The following LRRC4C variants were observed in gnomAD, a reference collection of about 807,000 sequenced individuals.
The protein encoded by LRRC4C is leucine rich repeat containing 4C.
In LRRC4C, 5 loss-of-function variants were observed where a neutral mutation model predicts 33.6. The ratio of observed to expected loss-of-function variants is 0.15; its 90% CI spans 0.08 to 0.31. LRRC4C has a LOEUF of 0.31. Ranked by LOEUF, LRRC4C falls within the 10% of genes least tolerant of loss-of-function variation. The pLI, the probability that LRRC4C is intolerant of heterozygous loss-of-function variation, is 1.00. For synonymous variants in LRRC4C, 329 were observed against 302.0 expected, an observed-to-expected ratio of 1.09 and a Z score of -0.93; for missense variants, 560 against 796.7, an observed-to-expected ratio of 0.70 and a Z score of 3.58.
intron 2 of LRRC4C, among the ~76,000 whole-genome samples, chr11:40,836,083 G>A (rs1321202884): frequency 6.6e-6 from 1 of 152,168 alleles, no homozygotes; most frequent in African/African-American, 2.4e-5. Flanking sequence ...GGAAACATTA[G>A]TTATCACGAA....
At chr11:40,525,471 G>T (rs536716173) in intron 3 of LRRC4C, among the ~76,000 whole-genome samples, 7 of 151,906 alleles carry the variant, frequency 4.6e-5, no homozygotes, top group Admixed American at 2.0e-4. Flanking sequence ...GGCAGGGGGT[G>T]GCTGGAGGGC....
intron 2 of LRRC4C, among the ~76,000 whole-genome samples, chr11:40,733,176 C>T (rs990868470): frequency 1.4e-5 from 2 of 140,198 alleles, no homozygotes; most frequent in Non-Finnish European, 3.0e-5. Context: ...CCCGGGTTCA[C>T]GCTATTCTCC....
At chr11:41,061,909 G>A (rs941460130) in intron 1 of LRRC4C, among the ~76,000 whole-genome samples, 9 of 151,868 alleles carry the variant, frequency 5.9e-5, no homozygotes, top group Non-Finnish European at 4.4e-5. Context: ...GGTCTAACAC[G>A]GTGGGCAGCA....
At chr11:40,915,210 G>A (rs1403207640) in intron 2 of LRRC4C, among the ~76,000 whole-genome samples, 1 of 151,986 alleles carries the variant, frequency 6.6e-6, no homozygotes, top group Non-Finnish European at 1.5e-5. Flanking sequence ...AAGTTCATAT[G>A]GAACCAAAAA....
At chr11:41,416,969 T>C (rs1246597421) in intron 1 of LRRC4C, among the ~76,000 whole-genome samples, 2 of 151,796 alleles carry the variant, frequency 1.3e-5, no homozygotes, top group Admixed American at 6.6e-5. Context: ...CCAATGAAAA[T>C]AAAGGATTCC....
At chr11:40,558,485 GAAA>G (rs1038123391) in intron 3 of LRRC4C, among the ~76,000 whole-genome samples, 3 of 152,074 alleles carry the variant, frequency 2.0e-5, no homozygotes, top group Non-Finnish European at 4.4e-5. Flanking sequence ...AATCCCAGAA[GAAA>G]AATGTTTTAT....
rs1257921879 is a variant in LRRC4C at position 40,114,780 on chromosome 11, A to C, written c.1513T>G (p.Phe505Val). 2 of 1,613,982 alleles carry C rather than the reference A, an allele frequency of 1.2e-6. No individual in the cohort carries two copies. The highest frequency in any genetic ancestry group is 1.3e-5 in the African/African-American group (1 of 74,902). The change falls in exon 7 of 7, where the codon TTC becomes GTC. Residue 505 changes from phenylalanine to valine, a missense_variant. Coordinates refer to ENST00000528697, the MANE Select transcript of LRRC4C (RefSeq NM_001258419.2). The stretch of plus-strand genomic sequence containing the variant: ...TTTATATCAGTCACTGGGATGGTGA[A>C]GGTTTTCTCTGTCGACCTTGTGCTC... Reference protein sequence around the residue: ...PQSTRSTEKTFTIPVTDINSG... With the variant: ...PQSTRSTEKTVTIPVTDINSG...
intron 1 of LRRC4C, among the ~76,000 whole-genome samples, chr11:41,078,995 A>G (rs1183499632): frequency 6.6e-6 from 1 of 152,164 alleles, no homozygotes; most frequent in East Asian, 1.9e-4. Flanking sequence ...TCTGTTTGTC[A>G]TCCAGAGTAA....
At chr11:40,965,134 T>C (rs890568090) in intron 1 of LRRC4C, among the ~76,000 whole-genome samples, 32 of 152,106 alleles carry the variant, frequency 2.1e-4, no homozygotes, top group Admixed American at 1.6e-3. Context: ...ATGATGAGCA[T>C]TTTTCATGTG....
At chr11:40,816,176 TG>T (rs1951698543) in intron 2 of LRRC4C, among the ~76,000 whole-genome samples, 1 of 152,174 alleles carries the variant, frequency 6.6e-6, no homozygotes, top group African/African-American at 2.4e-5. Context: ...TTGACTATCA[TG>T]TTTCTTTTTG....
chr11:40,141,433 G>T (rs1311339291), intron 5 of LRRC4C, among the ~76,000 whole-genome samples: 2 of 152,146 alleles, frequency 1.3e-5, no homozygotes, highest in Non-Finnish European at 1.5e-5. Flanking sequence ...TGAGGGCCAT[G>T]TACAGTACTT....
At chr11:40,870,667 C>T (rs948386540) in intron 2 of LRRC4C, among the ~76,000 whole-genome samples, 2 of 152,160 alleles carry the variant, frequency 1.3e-5, no homozygotes, top group African/African-American at 4.8e-5. Flanking sequence ...ATTTCCTATG[C>T]CTGTCTTTAT....
At chr11:41,371,864 G>A (rs948592851) in intron 1 of LRRC4C, among the ~76,000 whole-genome samples, 1 of 152,188 alleles carries the variant, frequency 6.6e-6, no homozygotes, top group Non-Finnish European at 1.5e-5. Context: ...GGCCGGGCGC[G>A]GTGGCTCATG....
At chr11:41,450,007 A>T (rs542922554) in intron 1 of LRRC4C, among the ~76,000 whole-genome samples, 15 of 152,292 alleles carry the variant, frequency 9.8e-5, no homozygotes, top group African/African-American at 3.1e-4. Context: ...CAAAGCAGAC[A>T]AACTGTCTCT....
In LRRC4C at chr11:40,176,964, C is replaced by T. The variant is rs1307984844; in HGVS notation, c.-95-36111G>A. Among the ~76,000 whole-genome samples, 6 of 109,294 alleles carry T rather than the reference C, an allele frequency of 5.5e-5. No homozygotes were observed. In the South Asian group the frequency reaches 1.0e-3, roughly 19 times the overall value. 71.7% of individuals were successfully genotyped at this position (109,294 alleles called of 152,430 possible). On this transcript the variant is annotated intron_variant, in intron 5 of 6. Transcript: ENST00000528697. Reference sequence around the variant, plus strand: ...TTTTTTTTTTTTTGAGATGGAGTCTCGCTCTGTCGCCCAGGCTGGAGTGCA... The same window carrying T: ...TTTTTTTTTTTTTGAGATGGAGTCTTGCTCTGTCGCCCAGGCTGGAGTGCA...
At chr11:41,263,761 C>T (rs762259277) in intron 1 of LRRC4C, among the ~76,000 whole-genome samples, 1 of 151,876 alleles carries the variant, frequency 6.6e-6, no homozygotes, top group Non-Finnish European at 1.5e-5. Context: ...TGACTGAGAC[C>T]AAGCACAGTG....
rs1238209602 is a variant in LRRC4C at position 41,334,566 on chromosome 11, C to A, written c.-496+124865G>T. Reference sequence around the variant, plus strand: ...TTCTTCAAGAGGCCAGGCATGGTGGCTCATGCTTGTCATTCAGGCACTTTG... The same window carrying A: ...TTCTTCAAGAGGCCAGGCATGGTGGATCATGCTTGTCATTCAGGCACTTTG... On this transcript the variant is annotated intron_variant, in intron 1 of 6. Coordinates refer to ENST00000528697, the MANE Select transcript of LRRC4C (RefSeq NM_001258419.2). 4.6e-5 allele frequency among the ~76,000 whole-genome samples: 7 copies of A among 152,170 alleles called. No individual in the cohort carries two copies. In the South Asian group the frequency reaches 6.2e-4, roughly 14 times the overall value.
intron 1 of LRRC4C, among the ~76,000 whole-genome samples, chr11:41,261,345 A>C (rs189193578): frequency 6.6e-6 from 1 of 152,250 alleles, no homozygotes; most frequent in Admixed American, 6.5e-5. Flanking sequence ...ATTATTTATA[A>C]ATGACCCAGT....
At chr11:40,748,788 G>C (rs936531926) in intron 2 of LRRC4C, among the ~76,000 whole-genome samples, 33 of 151,992 alleles carry the variant, frequency 2.2e-4, no homozygotes, top group African/African-American at 7.7e-4. Flanking sequence ...AATGTAAAAA[G>C]ATATTCCAGG....
Sources: allele counts gnomAD v4.1 joint callset (sites outside exome capture counted in the v4.1 genomes callset), GRCh38; gene constraint gnomAD v4.1.1; transcripts MANE v1.5; gene names NCBI Gene and HGNC (gene_info 2026-07-23, HGNC 2026-07-21).